Variants in BIVM observed in about 807,000 individuals in gnomAD.
BIVM encodes the protein basic, immunoglobulin-like variable motif containing, also known as basic immunoglobulin-like variable motif-containing protein.
A neutral mutation model predicts 61.4 loss-of-function variants in BIVM; 31 were observed. That is an observed-to-expected ratio of 0.51 (90% CI 0.38 to 0.68). The LOEUF (loss-of-function observed/expected upper bound fraction) is 0.68, where lower values mean the gene tolerates loss of function less well. Among genes scored for constraint, BIVM ranks in the 30% least tolerant of loss-of-function variants. The pLI, the probability that BIVM is intolerant of heterozygous loss-of-function variation, is 0.00. For missense variants in BIVM, 526 were observed against 596.0 expected, an observed-to-expected ratio of 0.88 and a Z score of 1.22; for synonymous variants, 189 against 210.7, an observed-to-expected ratio of 0.90 and a Z score of 0.89.
chr13:102,827,019 T>C (rs1406565590), intron 7 of BIVM, among the ~76,000 whole-genome samples: 1 of 152,010 alleles, frequency 6.6e-6, no homozygotes, highest in Non-Finnish European at 1.5e-5. Context: ...ATGGAGAGAG[T>C]TGACTTAGGA....
In BIVM at chr13:102,838,707, G is replaced by C; in HGVS notation, c.1186G>C (p.Glu396Gln). Residue 396 changes from glutamate to glutamine, a missense_variant, in exon 10 of 11, where the codon GAG (glutamate) becomes CAG (glutamine). Around this residue, in one of 3 missense-constraint regions of BIVM, gnomAD observed 210 missense variants for 233.1 expected, o/e 0.90. Coordinates refer to ENST00000257336, the MANE Select transcript of BIVM (RefSeq NM_017693.4). ...AGAATACCTGGATATCCGGCACTTA[G>C]AGAGGGGACTGCAGTATAGAAAAAC... ...NPEYLDIRHL[E>Q]RGLQYRKTKK... 2 of 1,613,620 alleles carry C rather than the reference G, an allele frequency of 1.2e-6. No homozygotes were observed. The highest frequency in any genetic ancestry group is 1.7e-6 in the Non-Finnish European group (2 of 1,179,702).
intron 1 of BIVM, 54 bp from the exon 2 acceptor site, chr13:102,805,253 G>C (rs936943068): frequency 1.3e-5 from 2 of 152,116 alleles, no homozygotes; most frequent in Non-Finnish European, 2.9e-5. Context: ...TAAATCTTCA[G>C]CTTCCTTGCA....
At chr13:102,838,121 AT>A (rs1881610580) in intron 9 of BIVM, among the ~76,000 whole-genome samples, 1 of 152,218 alleles carries the variant, frequency 6.6e-6, no homozygotes, top group Non-Finnish European at 1.5e-5. Context: ...GCTATTGTAA[AT>A]TGATTTTTTT....
intron 8 of BIVM, among the ~76,000 whole-genome samples, chr13:102,832,596 A>G (rs1881167639): frequency 6.6e-6 from 1 of 152,244 alleles, no homozygotes; most frequent in African/African-American, 2.4e-5. Context: ...TGAACAATAT[A>G]TTACAGAATC....
At chr13:102,808,593 G>A (rs1481389504) in intron 3 of BIVM, among the ~76,000 whole-genome samples, 1 of 151,978 alleles carries the variant, frequency 6.6e-6, no homozygotes. Context: ...TGCTTTTTTT[G>A]TCTAAATTTG....
At chr13:102,831,721 A>G (rs1415289356) in intron 8 of BIVM, 24 bp downstream of exon 8, 2 of 1,613,252 alleles carry the variant, frequency 1.2e-6, no homozygotes, top group Non-Finnish European at 1.7e-6. Flanking sequence ...TGTTTTAGAA[A>G]GTGCATTTTA....
intron 6 of BIVM, 62 bp from the exon 7 acceptor site, chr13:102,822,003 T>C (rs1880327957): frequency 6.3e-7 from 1 of 1,591,030 alleles, no homozygotes; most frequent in Non-Finnish European, 8.6e-7. Context: ...TCTTTAGAAT[T>C]GGAATAATGC....
At chr13:102,817,515 C>G (rs1040691902) in intron 4 of BIVM, among the ~76,000 whole-genome samples, 1 of 152,156 alleles carries the variant, frequency 6.6e-6, no homozygotes, top group South Asian at 2.1e-4. Flanking sequence ...TTCTTTCTTT[C>G]TCCTCTGGTA....
intron 7 of BIVM, among the ~76,000 whole-genome samples, chr13:102,823,362 G>T (rs1880428668): frequency 6.6e-6 from 1 of 152,172 alleles, no homozygotes; most frequent in South Asian, 2.1e-4. Flanking sequence ...TACTAGTTTT[G>T]TGACCTTGAA....
intron 9 of BIVM, among the ~76,000 whole-genome samples, chr13:102,837,773 C>T (rs1176737980): frequency 3.3e-5 from 5 of 152,158 alleles, no homozygotes; most frequent in South Asian, 2.1e-4. Flanking sequence ...AGCCGGAGGC[C>T]GTTATTCTAA....
At chr13:102,824,950 A>ATTAAT (rs58236818) in intron 7 of BIVM, among the ~76,000 whole-genome samples, 34,350 of 147,088 alleles carry the variant, frequency 0.23, 4,180 homozygotes, top group East Asian at 0.42. Context: ...TAATTAATTA[A>ATTAAT]TTTTTTTTTT....
chr13:102,839,542 T>C, intron 10 of BIVM, 30 bp from the exon 11 acceptor site: 1 of 1,607,376 alleles, frequency 6.2e-7, no homozygotes, highest in Non-Finnish European at 8.5e-7. Flanking sequence ...TTCCCTTTAT[T>C]TTCTTCAGCC....
intron 7 of BIVM, among the ~76,000 whole-genome samples, chr13:102,823,036 T>C (rs1455987826): frequency 6.6e-6 from 1 of 152,118 alleles, no homozygotes; most frequent in African/African-American, 2.4e-5. Context: ...TAAAGGCAGG[T>C]CAAGGGCTGA....
chr13:102,810,991 A>G (rs1435132999), intron 3 of BIVM, among the ~76,000 whole-genome samples: 1 of 152,232 alleles, frequency 6.6e-6, no homozygotes, highest in Admixed American at 6.5e-5. Flanking sequence ...TCGGCCTTCC[A>G]AAGTGCTGGG....
chr13:102,839,323 T>C (rs1881685034), intron 10 of BIVM, among the ~76,000 whole-genome samples: 1 of 152,122 alleles, frequency 6.6e-6, no homozygotes, highest in African/African-American at 2.4e-5. Context: ...AGTTCTCTAG[T>C]ATGTGTTGGG....
Position 102,821,831 on chromosome 13 carries a change from A to T in BIVM, c.790A>T (p.Asn264Tyr). Residue 264 changes from asparagine (N) to tyrosine (Y), a missense_variant, in exon 6 of 11, where the codon AAT becomes TAT. Asn to Tyr is a moderately radical substitution (Grantham distance 143). This residue lies in a region of BIVM where 312 missense variants were observed against 343.8 expected (regional missense o/e 0.91). Coordinates refer to ENST00000257336, the MANE Select transcript of BIVM (RefSeq NM_017693.4). ...EDIRFGPFTG[N>Y]TTLMRWFRQI... ...TATTAGGTTTGGTCCTTTCACGGGG[A>T]ATACAACACTTATGAGGTATGAAGA... 3.1e-6 allele frequency: 5 copies of T among 1,613,804 alleles called. No individual in the cohort carries two copies. The highest frequency in any genetic ancestry group is 4.2e-6 in the Non-Finnish European group (5 of 1,179,926).
chr13:102,840,075 C>A lies in BIVM; in HGVS notation c.*210C>A. 1 of 465,324 alleles carries A rather than the reference C, an allele frequency of 2.1e-6. No homozygotes were observed. The highest frequency in any genetic ancestry group is 2.0e-5 in the African/African-American group (1 of 50,554). 28.8% of individuals were successfully genotyped at this position (465,324 alleles called of 1,614,324 possible). A position where few individuals can be genotyped will look rare whatever the true frequency, so the allele number is the denominator to read the frequency against. On this transcript the variant is annotated 3_prime_UTR_variant, in exon 11 of 11. Coordinates refer to ENST00000257336, the MANE Select transcript of BIVM (RefSeq NM_017693.4). ...TAAGCAGATAAGCACAGATTATTGT[C>A]CTTTCAAGTTAAGAGTATATAATCT...
chr13:102,821,768 G>C lies in BIVM; in HGVS notation c.727G>C (p.Ala243Pro), dbSNP rs765095427. The C allele has an allele frequency of 1.2e-6, 2 of 1,613,694 alleles. No homozygotes were observed. The highest frequency in any genetic ancestry group is 8.5e-7 in the Non-Finnish European group (1 of 1,179,942). Residue 243 changes from alanine to proline, a missense_variant, in exon 6 of 11, where the codon GCT becomes CCT. Ala to Pro is a conservative substitution (Grantham distance 27, BLOSUM62 -1). Coordinates refer to ENST00000257336, the MANE Select transcript of BIVM (RefSeq NM_017693.4). ...GNLPPITQEE[A>P]LHILGFQPPF... The stretch of plus-strand genomic sequence containing the variant: ...CCTTCCACCTATTACCCAAGAAGAA[G>C]CTTTACATATTCTGGGCTTTCAACC...
intron 4 of BIVM, among the ~76,000 whole-genome samples, chr13:102,819,999 C>T (rs1225946714): frequency 5.3e-5 from 8 of 152,130 alleles, no homozygotes; most frequent in South Asian, 2.1e-4. Flanking sequence ...TGAAGGCCAA[C>T]GAGTGTTGTG....
Sources: allele counts gnomAD v4.1 joint callset (sites outside exome capture counted in the v4.1 genomes callset), GRCh38; gene constraint gnomAD v4.1.1; regional missense constraint gnomAD v4.1.1; transcripts MANE v1.5; gene names NCBI Gene and HGNC (gene_info 2026-07-23, HGNC 2026-07-21).